Variants in GALNTL5 observed in about 807,000 individuals in gnomAD.
The protein encoded by GALNTL5 is inactive polypeptide N-acetylgalactosaminyltransferase-like protein 5.
In GALNTL5, 44 loss-of-function variants were observed where a neutral mutation model predicts 51.0. The ratio of observed to expected loss-of-function variants is 0.86; its 90% CI spans 0.68 to 1.11. The LOEUF is 1.11. GALNTL5 is among the 50% of genes least tolerant of loss of function. The pLI, the probability that GALNTL5 is intolerant of heterozygous loss-of-function variation, is 0.00. For synonymous variants in GALNTL5, 192 were observed against 182.8 expected (o/e 1.05, Z -0.41); for missense variants, 528 against 531.8 (o/e 0.99, Z 0.07).
intron 4 of GALNTL5, among the ~76,000 whole-genome samples, chr7:151,983,846 T>A (rs2081327797): frequency 6.6e-6 from 1 of 152,188 alleles, no homozygotes; most frequent in Non-Finnish European, 1.5e-5. Context: ...TTGAAATACA[T>A]GCTACCATAT....
In GALNTL5 at chr7:151,987,617, G is replaced by T. The variant is rs373463996; in HGVS notation, c.658+336G>T. Among the ~76,000 whole-genome samples the T allele has an allele frequency of 4.6e-3, 700 of 151,154 alleles. 9 individuals carry two copies. The highest frequency in any genetic ancestry group is 0.016 in the African/African-American group (645 of 40,978). On this transcript the variant is annotated intron_variant, in intron 5 of 8. Coordinates refer to ENST00000392800, the MANE Select transcript of GALNTL5 (RefSeq NM_145292.4). Reference sequence around the variant, plus strand: ...ACAAGAGTGAGGAGAGCAAGACTGGGGGTGGGGTGGGCGGGAGGGAGCTGC... The same window carrying T: ...ACAAGAGTGAGGAGAGCAAGACTGGTGGTGGGGTGGGCGGGAGGGAGCTGC...
rs1333199975 is a variant in GALNTL5 at position 151,987,655 on chromosome 7, C to T, written c.658+374C>T. Among the ~76,000 whole-genome samples, 3 of 151,976 alleles carry T rather than the reference C, an allele frequency of 2.0e-5. No homozygotes were observed. In the South Asian group the frequency reaches 6.3e-4, roughly 32 times the overall value. ...GGGAGGGAGCTGCAGCGCTCATCCA[C>T]GGGGACCTCTGAAGCCAGGACCCCA... is the stretch of plus-strand genomic sequence containing the variant. On this transcript the variant is annotated intron_variant, in intron 5 of 8. Transcript: ENST00000392800.
At chr7:152,016,111 G>A (rs2081809654) in intron 8 of GALNTL5, among the ~76,000 whole-genome samples, 1 of 152,076 alleles carries the variant, frequency 6.6e-6, no homozygotes, top group Non-Finnish European at 1.5e-5. Context: ...AATTTTAAAA[G>A]TCTGACAGGC....
intron 5 of GALNTL5, 44 bp from the exon 6 acceptor site, chr7:152,002,670 T>C: frequency 6.3e-7 from 1 of 1,591,896 alleles, no homozygotes; most frequent in Non-Finnish European, 8.6e-7. Flanking sequence ...TGCCGTATTT[T>C]TTCAGCTATG....
At chr7:152,009,989 A>T (rs1419388635) in intron 7 of GALNTL5, among the ~76,000 whole-genome samples, 1 of 152,230 alleles carries the variant, frequency 6.6e-6, no homozygotes, top group Non-Finnish European at 1.5e-5. Context: ...ACTGTGCTGT[A>T]TGCTGAGCAT....
chr7:152,008,367 T>A (rs2081680075), intron 7 of GALNTL5, among the ~76,000 whole-genome samples: 1 of 151,922 alleles, frequency 6.6e-6, no homozygotes, highest in East Asian at 2.0e-4. Flanking sequence ...AGGTGTGAGC[T>A]ACTGTGCCTA....
chr7:151,958,436 G>T (rs2080951547), intron 1 of GALNTL5, among the ~76,000 whole-genome samples: 1 of 152,200 alleles, frequency 6.6e-6, no homozygotes, highest in Non-Finnish European at 1.5e-5. Context: ...GCTCTCACCT[G>T]GGGAGTCCCA....
intron 5 of GALNTL5, among the ~76,000 whole-genome samples, chr7:151,991,800 G>C (rs573482194): frequency 5.3e-5 from 8 of 152,258 alleles, no homozygotes; most frequent in Middle Eastern, 3.4e-3. Flanking sequence ...AGCTAGGATT[G>C]TCTTATCAAG....
intron 3 of GALNTL5, among the ~76,000 whole-genome samples, chr7:151,976,485 A>C (rs2081207033): frequency 6.6e-6 from 1 of 152,060 alleles, no homozygotes; most frequent in Non-Finnish European, 1.5e-5. Flanking sequence ...ATCTTTTTCC[A>C]TCTCATCACT....
chr7:151,980,397 CAT>C (rs1454473845), intron 3 of GALNTL5, among the ~76,000 whole-genome samples: 20 of 152,286 alleles, frequency 1.3e-4, no homozygotes, highest in African/African-American at 1.9e-4. Context: ...TATTTTTCCA[CAT>C]GTTTCTGCAC....
chr7:152,019,662 G>T lies in GALNTL5; in HGVS notation c.1193G>T (p.Arg398Leu). 1 of 1,605,014 alleles carries T rather than the reference G, an allele frequency of 6.2e-7. No homozygotes were observed. ...TTCATTTAGGAGCAGTTTTTTCTTC[G>T]AAAGCCTGGTCTGAAATATGTCACC... ...LDEYKEQFFL[R>L]KPGLKYVTYG... Residue 398 changes from arginine to leucine, a missense_variant, in exon 9 of 9, where the codon CGA becomes CTA. Transcript: ENST00000392800.
chr7:151,957,320 G>C (rs572709071), intron 1 of GALNTL5, among the ~76,000 whole-genome samples: 15 of 150,770 alleles, frequency 9.9e-5, no homozygotes, highest in African/African-American at 3.4e-4. Flanking sequence ...AAGGCAGAAG[G>C]ATCACTTGAG....
At chr7:151,963,959 G>C (rs1177416127) in intron 1 of GALNTL5, among the ~76,000 whole-genome samples, 1 of 152,134 alleles carries the variant, frequency 6.6e-6, no homozygotes, top group Non-Finnish European at 1.5e-5. Context: ...GCAGCTGTAG[G>C]AGTCAGCTCC....
At chr7:151,992,534 A>T (rs902946860) in intron 5 of GALNTL5, among the ~76,000 whole-genome samples, 5 of 151,966 alleles carry the variant, frequency 3.3e-5, no homozygotes, top group African/African-American at 9.7e-5. Context: ...CTCTCTGTTC[A>T]CAGGCGTCCT....
At chr7:151,997,631 T>A (rs1008508132) in intron 5 of GALNTL5, among the ~76,000 whole-genome samples, 1 of 152,236 alleles carries the variant, frequency 6.6e-6, no homozygotes, top group Non-Finnish European at 1.5e-5. Context: ...TAAATTATTT[T>A]GCAATTTTTA....
intron 5 of GALNTL5, among the ~76,000 whole-genome samples, chr7:151,988,875 C>T (rs2081393739): frequency 6.6e-6 from 1 of 151,858 alleles, no homozygotes; most frequent in African/African-American, 2.4e-5. Flanking sequence ...AATTTTTGTA[C>T]TTCTAGTAGA....
intron 7 of GALNTL5, among the ~76,000 whole-genome samples, chr7:152,014,214 G>A (rs1393997149): frequency 4.6e-5 from 7 of 152,164 alleles, no homozygotes; most frequent in African/African-American, 1.7e-4. Flanking sequence ...TGAATTATAA[G>A]GCTGTTGTGA....
chr7:151,973,771 T>C (rs1247924457), intron 3 of GALNTL5, among the ~76,000 whole-genome samples: 1 of 130,148 alleles, frequency 7.7e-6, no homozygotes, highest in Non-Finnish European at 1.8e-5. Context: ...TGAAATGAGA[T>C]TTGGGAGGGG....
chr7:152,019,908 C>A lies in GALNTL5; in HGVS notation c.*107C>A. On this transcript the variant is annotated 3_prime_UTR_variant, in exon 9 of 9. Coordinates refer to ENST00000392800, the MANE Select transcript of GALNTL5 (RefSeq NM_145292.4). Reference sequence around the variant, plus strand: ...GAACATCGTGGAATTACGTGAAATGCAATTAAAAAAATATGACCAGACGTG... The same window carrying A: ...GAACATCGTGGAATTACGTGAAATGAAATTAAAAAAATATGACCAGACGTG... 1 of 964,270 alleles carries A rather than the reference C, an allele frequency of 1.0e-6. No individual in the cohort carries two copies. The allele number at this position is 964,270 out of a possible 1,614,324, so 59.7% of individuals were successfully genotyped here.
Sources: allele counts gnomAD v4.1 joint callset (sites outside exome capture counted in the v4.1 genomes callset), GRCh38; gene constraint gnomAD v4.1.1; transcripts MANE v1.5; gene names NCBI Gene and HGNC (gene_info 2026-07-23, HGNC 2026-07-21).